Variants in CAMK2B observed in about 807,000 individuals in gnomAD.
CAMK2B encodes the protein calcium/calmodulin-dependent protein kinase type II subunit beta.
A neutral mutation model predicts 93.7 loss-of-function variants in CAMK2B; 27 were observed. That is an observed-to-expected ratio of 0.29 (90% CI 0.21 to 0.40). The LOEUF is 0.40. Among genes scored for constraint, CAMK2B ranks in the 10% least tolerant of loss-of-function variants. CAMK2B has a pLI of 1.00. For synonymous variants in CAMK2B, 374 were observed against 358.8 expected, an observed-to-expected ratio of 1.04 and a Z score of -0.48; for missense variants, 568 against 895.8, an observed-to-expected ratio of 0.63 and a Z score of 4.67.
chr7:44,234,506 C>T, intron 14 of CAMK2B, 45 bp from the exon 15 acceptor site: 3 of 1,575,478 alleles, frequency 1.9e-6, no homozygotes, highest in Non-Finnish European at 2.6e-6. Flanking sequence ...AGAAGCCCCT[C>T]ACTCGCCATT....
chr7:44,255,997 G>A (rs1257362923), intron 4 of CAMK2B, among the ~76,000 whole-genome samples: 2 of 137,466 alleles, frequency 1.5e-5, no homozygotes, highest in African/African-American at 5.0e-5. Flanking sequence ...CCATTTTTCT[G>A]TCCAGGCTGG....
chr7:44,278,938 G>A (rs896717330), intron 2 of CAMK2B, among the ~76,000 whole-genome samples: 2 of 152,224 alleles, frequency 1.3e-5, no homozygotes, highest in South Asian at 2.1e-4. Flanking sequence ...CGGGGCCCCC[G>A]GGGTGTGAAC....
At chr7:44,266,412 T>C (rs767530796) in intron 2 of CAMK2B, among the ~76,000 whole-genome samples, 3 of 152,168 alleles carry the variant, frequency 2.0e-5, no homozygotes, top group Non-Finnish European at 2.9e-5. Context: ...CAAGGTTAAG[T>C]AAGTTAAATT....
chr7:44,284,262 G>A (rs934931102), intron 1 of CAMK2B, 37 bp from the exon 2 acceptor site: 1 of 1,407,172 alleles, frequency 7.1e-7, no homozygotes, highest in African/African-American at 1.4e-5. Context: ...GACAGAGACA[G>A]AGACAGACAA....
chr7:44,253,953 GCA>G (rs1228639666), intron 5 of CAMK2B, among the ~76,000 whole-genome samples: 1 of 151,702 alleles, frequency 6.6e-6, no homozygotes, highest in Non-Finnish European at 1.5e-5. Context: ...AGCAGGGTGG[GCA>G]GAGCCCAGTG....
intron 20 of CAMK2B, 100 bp from the exon 21 acceptor site, chr7:44,221,001 TC>T: frequency 1.0e-6 from 1 of 955,142 alleles, no homozygotes; most frequent in Non-Finnish European, 1.6e-6. Flanking sequence ...GCGAGCTGCA[TC>T]CATGCCGTGT....
intron 2 of CAMK2B, among the ~76,000 whole-genome samples, chr7:44,264,333 T>C (rs976665677): frequency 6.6e-6 from 1 of 152,170 alleles, no homozygotes; most frequent in Non-Finnish European, 1.5e-5. Context: ...CTGGGGTTAA[T>C]TCCCCTGGAG....
intron 20 of CAMK2B, among the ~76,000 whole-genome samples, chr7:44,222,178 C>T (rs770190246): frequency 1.8e-4 from 27 of 152,180 alleles, no homozygotes; most frequent in Non-Finnish European, 2.9e-4. Flanking sequence ...ACTCAAACCC[C>T]CAGAAGTGCA....
At chr7:44,317,918 A>G (rs1301103025) in intron 1 of CAMK2B, among the ~76,000 whole-genome samples, 1 of 152,168 alleles carries the variant, frequency 6.6e-6, no homozygotes, top group Non-Finnish European at 1.5e-5. Flanking sequence ...CTAGGTATGC[A>G]GTGCCCATTG....
intron 22 of CAMK2B, 99 bp downstream of exon 22, chr7:44,220,517 A>G: frequency 9.3e-7 from 1 of 1,075,224 alleles, no homozygotes; most frequent in Non-Finnish European, 1.3e-6. Context: ...CAGAGGGGAC[A>G]GGGCTTCCAT....
intron 6 of CAMK2B, chr7:44,244,831 C>A (rs956395665): frequency 2.4e-6 from 1 of 420,608 alleles, no homozygotes; most frequent in Admixed American, 2.6e-5. Flanking sequence ...CGGGATGAGG[C>A]CGTGTGCCCC....
At chr7:44,296,410 G>T (rs1286129985) in intron 1 of CAMK2B, among the ~76,000 whole-genome samples, 1 of 151,754 alleles carries the variant, frequency 6.6e-6, no homozygotes, top group Non-Finnish European at 1.5e-5. Context: ...AAAAAAGAAT[G>T]AAAAAGACAA....
chr7:44,248,517 C>T lies in CAMK2B; in HGVS notation c.342-1325G>A, dbSNP rs1419610395. Among the ~76,000 whole-genome samples the T allele has an allele frequency of 2.6e-5, 4 of 152,188 alleles. No individual in the cohort carries two copies. Among genetic ancestry groups the T allele is most frequent in the Non-Finnish European group, 5.9e-5 (4 of 68,030 alleles). On this transcript the variant is annotated intron_variant, in intron 5 of 23. Coordinates refer to ENST00000395749, the MANE Select transcript of CAMK2B (RefSeq NM_001220.5). This position sits in a 1 kb window ranked among gnomAD's most constrained non-coding sequence, Gnocchi z 4.1. ...AGGCATTTGCCACAGGCTGCCGATG[C>T]CCACCTGCCTGGGGTCTCAGTCACC...
At chr7:44,249,033 A>T (rs934409461) in intron 5 of CAMK2B, among the ~76,000 whole-genome samples, 8 of 152,002 alleles carry the variant, frequency 5.3e-5, no homozygotes, top group Admixed American at 1.3e-4. Context: ...CCTGGCCTAC[A>T]TCTAGAGACT....
intron 9 of CAMK2B, 42 bp downstream of exon 9, chr7:44,242,518 C>G: frequency 6.4e-7 from 1 of 1,557,730 alleles, no homozygotes; most frequent in Non-Finnish European, 8.8e-7. Context: ...CCGGCCACAC[C>G]TGGAGGAAGG....
At chr7:44,239,473 C>G (rs1265952596) in intron 13 of CAMK2B, 116 bp downstream of exon 13, 1 of 887,024 alleles carries the variant, frequency 1.1e-6, no homozygotes, top group Non-Finnish European at 1.8e-6. Context: ...TCCCGGGGGC[C>G]TGGCGGCCTC....
intron 1 of CAMK2B, among the ~76,000 whole-genome samples, chr7:44,292,899 T>TTGTG (rs1002698886): frequency 1.2e-4 from 19 of 152,216 alleles, no homozygotes; most frequent in African/African-American, 4.3e-4. Context: ...TCCATCCACC[T>TTGTG]GATGTCCACA....
chr7:44,247,848 C>T (rs967689263), intron 5 of CAMK2B, among the ~76,000 whole-genome samples: 9 of 152,178 alleles, frequency 5.9e-5, no homozygotes, highest in Middle Eastern at 3.4e-3. Context: ...GCCAACATGG[C>T]GAAACCCCGT....
intron 1 of CAMK2B, among the ~76,000 whole-genome samples, chr7:44,303,730 A>G (rs570998595): frequency 2.0e-5 from 3 of 152,354 alleles, no homozygotes; most frequent in Admixed American, 1.3e-4. Flanking sequence ...ACAATTCATG[A>G]AAGAAAAAAT....
Sources: allele counts gnomAD v4.1 joint callset (sites outside exome capture counted in the v4.1 genomes callset), GRCh38; gene constraint gnomAD v4.1.1; non-coding constraint Gnocchi (gnomAD v3.1); transcripts MANE v1.5; gene names NCBI Gene and HGNC (gene_info 2026-07-23, HGNC 2026-07-21).